Variants in AURKAIP1 observed in about 807,000 individuals in gnomAD.
The protein encoded by AURKAIP1 is small ribosomal subunit protein bS22, mitochondrial.
In AURKAIP1, 20 loss-of-function variants were observed where a neutral mutation model predicts 18.4. The observed-to-expected ratio is 1.09, with a 90% confidence interval of 0.77 to 1.58. The LOEUF is 1.58. Among genes scored for constraint, AURKAIP1 ranks in the 40% most tolerant of loss-of-function variants. AURKAIP1 has a pLI of 0.00. For missense variants in AURKAIP1, 319 were observed against 270.7 expected (o/e 1.18, Z -1.25); for synonymous variants, 156 against 120.8 (o/e 1.29, Z -1.91).
intron 1 of AURKAIP1, 180 bp from the exon 2 acceptor site, chr1:1,374,970 C>G (rs1368067376): frequency 1.9e-5 from 10 of 514,918 alleles, no homozygotes; most frequent in African/African-American, 4.2e-5. Flanking sequence ...AAGCCCCCGA[C>G]GCGGGCGGTG....
chr1:1,374,667 G>C, intron 2 of AURKAIP1, 38 bp downstream of exon 2: 1 of 1,548,608 alleles, frequency 6.5e-7, no homozygotes, highest in Non-Finnish European at 8.7e-7. Context: ...TCCTAACCAG[G>C]TGTGCATCCT....
chr1:1,374,842 G>T, intron 1 of AURKAIP1, 52 bp from the exon 2 acceptor site: 3 of 1,335,146 alleles, frequency 2.2e-6, no homozygotes, highest in Non-Finnish European at 2.0e-6. Context: ...CAGTAGTCGC[G>T]GGCGGGCCGG....
chr1:1,374,331 G>T lies in AURKAIP1; in HGVS notation c.167C>A (p.Ala56Asp). 6.4e-7 allele frequency: 1 copy of T among 1,568,042 alleles called. No individual in the cohort carries two copies. Among genetic ancestry groups the T allele is most frequent in the South Asian group, 1.1e-5 (1 of 87,596 alleles). Residue 56 changes from alanine to aspartate, a missense_variant, in exon 3 of 4, where the codon GCC becomes GAC. Transcript: ENST00000338338. ...GRAASLPRKG[A>D]QLELEEMLVP... ...CAGCATCTCCTCCAGCTCCAGCTGG[G>T]CCCCCTTGCGAGGGAGAGAGGCCGC...
In AURKAIP1 at chr1:1,374,746, C is replaced by G; in HGVS notation, c.11G>C (p.Gly4Ala). 1 of 1,560,122 alleles carries G rather than the reference C, an allele frequency of 6.4e-7. No individual in the cohort carries two copies. The highest frequency in any genetic ancestry group is 8.7e-7 in the Non-Finnish European group (1 of 1,152,540). MLL[G>A]RLTSQLLRAV... is the part of the protein sequence containing the mutation. ...CCTCAACAGCTGGGAAGTCAGGCGC[C>G]CCAGGAGCATGGTCTGTGGGCGGCG... Residue 4 changes from glycine (G) to alanine (A), a missense_variant, in exon 2 of 4, where the codon GGG (glycine) becomes GCG (alanine). Transcript: ENST00000338338.
chr1:1,374,567 G>C, intron 2 of AURKAIP1, 122 bp from the exon 3 acceptor site: 1 of 1,372,028 alleles, frequency 7.3e-7, no homozygotes, highest in Non-Finnish European at 1.0e-6. Flanking sequence ...GAACCCCTGA[G>C]GTTCCCTCTG....
Position 1,374,016 on chromosome 1 carries a change from C to A in AURKAIP1, c.482G>T (p.Arg161Leu), listed in dbSNP as rs1366506763. ...GCCACTCACCTGCTTGCGTCTCAGG[C>A]GTCCCTCCTGGACCTTCCTCCGCAG... is the stretch of plus-strand genomic sequence containing the variant. ...RFLRRKVQEG[R>L]LRRKQIKFEK... Residue 161 changes from arginine (R) to leucine (L), a missense_variant, in exon 3 of 4, where the codon CGC becomes CTC. Physicochemically the swap from Arg to Leu is moderately radical, Grantham distance 102 (BLOSUM62 -2). Transcript: ENST00000338338. 1.9e-6 allele frequency: 3 copies of A among 1,608,362 alleles called. No individual in the cohort carries two copies. Among genetic ancestry groups the A allele is most frequent in the Non-Finnish European group, 1.7e-6 (2 of 1,178,766 alleles).
At position 1,374,738 on chromosome 1, in the gene AURKAIP1, T is replaced by C. The variant is rs1644331562; in HGVS notation, c.19A>G (p.Thr7Ala). Residue 7 changes from threonine to alanine, a missense_variant, in exon 2 of 4, where the codon ACT becomes GCT. By Grantham distance (58) the Thr-to-Ala change is moderately conservative. Transcript: ENST00000338338. Reference sequence around the variant, plus strand: ...GGAACGGCCCTCAACAGCTGGGAAGTCAGGCGCCCCAGGAGCATGGTCTGT... The same window carrying C: ...GGAACGGCCCTCAACAGCTGGGAAGCCAGGCGCCCCAGGAGCATGGTCTGT... Reference protein sequence around the residue: MLLGRLTSQLLRAVPWA... With the variant: MLLGRLASQLLRAVPWA... The C allele has an allele frequency of 2.6e-6, 4 of 1,560,670 alleles. No homozygotes were observed. The highest frequency in any genetic ancestry group is 3.5e-6 in the Non-Finnish European group (4 of 1,153,000).
rs1644331230 is a variant in AURKAIP1, at chr1:1,374,714, G to A, written c.43C>T (p.Pro15Ser). 1.3e-6 allele frequency: 2 copies of A among 1,560,908 alleles called. No homozygotes were observed. The highest frequency in any genetic ancestry group is 1.2e-5 in the South Asian group (1 of 84,754). ...RLTSQLLRAV[P>S]WAGGRPPWPV... ...CCGCGCGGCTTCCTACCTGCCCAAG[G>A]AACGGCCCTCAACAGCTGGGAAGTC... Residue 15 changes from proline to serine, a missense_variant, in exon 2 of 4, where the codon CCT (proline) becomes TCT (serine). Physicochemically the swap from Pro to Ser is moderately conservative, Grantham distance 74. Coordinates refer to ENST00000338338, the MANE Select transcript of AURKAIP1 (RefSeq NM_017900.3).
At position 1,373,967 on chromosome 1, in the gene AURKAIP1, T is replaced by C. The variant is rs1182619287; in HGVS notation, c.498+33A>G. On this transcript the variant is annotated intron_variant, in intron 3 of 3. Transcript: ENST00000338338. The stretch of plus-strand genomic sequence containing the variant: ...GCAAAGAAACGTGTTCTCAGCACTT[T>C]GCCCTCCCAGGGCCAAGCAGGGGGC... 10 of 1,608,758 alleles carry C rather than the reference T, an allele frequency of 6.2e-6. No individual in the cohort carries two copies. In the East Asian group the frequency reaches 2.0e-4, roughly 32 times the overall value.
chr1:1,374,439 C>A lies in AURKAIP1; in HGVS notation c.59G>T (p.Arg20Leu), dbSNP rs763392452. The change falls in exon 3 of 4, where the codon CGC (arginine) becomes CTC (leucine). Residue 20 changes from arginine to leucine, a missense_variant. By Grantham distance (102) the Arg-to-Leu change is moderately radical (BLOSUM62 -2). Coordinates refer to ENST00000338338, the MANE Select transcript of AURKAIP1 (RefSeq NM_017900.3). ...CACTCCAGAGACGGGCCAAGGCGGG[C>A]GGCCGCCTGCAGAAAACCAGACGCC... ...LLRAVPWAGG[R>L]PPWPVSGVLG... The A allele has an allele frequency of 2.1e-6, 3 of 1,445,012 alleles. No homozygotes were observed. The highest frequency in any genetic ancestry group is 2.7e-6 in the Non-Finnish European group (3 of 1,104,162). The allele number at this position is 1,445,012 out of a possible 1,614,324, so 89.5% of individuals were successfully genotyped here.
chr1:1,374,332 C>A lies in AURKAIP1; in HGVS notation c.166G>T (p.Ala56Ser), dbSNP rs776156349. 5 of 1,567,664 alleles carry A rather than the reference C, an allele frequency of 3.2e-6. No homozygotes were observed. Among genetic ancestry groups the A allele is most frequent in the East Asian group, 2.3e-5 (1 of 44,328 alleles). Reference sequence around the variant, plus strand: ...AGCATCTCCTCCAGCTCCAGCTGGGCCCCCTTGCGAGGGAGAGAGGCCGCC... The same window carrying A: ...AGCATCTCCTCCAGCTCCAGCTGGGACCCCTTGCGAGGGAGAGAGGCCGCC... ...GRAASLPRKG[A>S]QLELEEMLVP... The change falls in exon 3 of 4, where the codon GCC becomes TCC. Residue 56 changes from alanine to serine, a missense_variant. Coordinates refer to ENST00000338338, the MANE Select transcript of AURKAIP1 (RefSeq NM_017900.3).
At position 1,374,792 on chromosome 1, in the gene AURKAIP1, T is replaced by A; in HGVS notation, c.-34-2A>T. Reference sequence around the variant, plus strand: ...CGGCGGCCACAGGTCCCAGGGGAGCTGGAACACAAGTGCCCGTTCAGGTCA... The same window carrying A: ...CGGCGGCCACAGGTCCCAGGGGAGCAGGAACACAAGTGCCCGTTCAGGTCA... On this transcript the variant is annotated splice_acceptor_variant, in intron 1 of 3. Coordinates refer to ENST00000338338, the MANE Select transcript of AURKAIP1 (RefSeq NM_017900.3). LOFTEE classifies it low-confidence loss of function (5UTR_SPLICE). The A allele has an allele frequency of 6.5e-7, 1 of 1,546,696 alleles. No homozygotes were observed. Among genetic ancestry groups the A allele is most frequent in the Non-Finnish European group, 8.7e-7 (1 of 1,144,860 alleles).
At position 1,373,995 on chromosome 1, in the gene AURKAIP1, C is replaced by T. The variant is rs750312921; in HGVS notation, c.498+5G>A. On this transcript the variant is annotated splice_donor_5th_base_variant and intron_variant, in intron 3 of 3. Coordinates refer to ENST00000338338, the MANE Select transcript of AURKAIP1 (RefSeq NM_017900.3). ...CCTCCCAGGGCCAAGCAGGGGGCCA[C>T]TCACCTGCTTGCGTCTCAGGCGTCC... 5 of 1,608,708 alleles carry T rather than the reference C, an allele frequency of 3.1e-6. No homozygotes were observed. The highest frequency in any genetic ancestry group is 2.2e-5 in the East Asian group (1 of 44,878).
At position 1,374,753 on chromosome 1, in the gene AURKAIP1, G is replaced by A. The variant is rs753910088; in HGVS notation, c.4C>T (p.Leu2Phe). M[L>F]LGRLTSQLLR... ...AGCTGGGAAGTCAGGCGCCCCAGGA[G>A]CATGGTCTGTGGGCGGCGGCCACAG... The change falls in exon 2 of 4, where the codon CTC (leucine) becomes TTC (phenylalanine). Residue 2 changes from leucine (L) to phenylalanine (F), a missense_variant. Coordinates refer to ENST00000338338, the MANE Select transcript of AURKAIP1 (RefSeq NM_017900.3). 6.7e-5 allele frequency: 104 copies of A among 1,558,636 alleles called. No homozygotes were observed. Among genetic ancestry groups the A allele is most frequent in the Non-Finnish European group, 8.5e-5 (98 of 1,151,826 alleles).
intron 2 of AURKAIP1, 78 bp downstream of exon 2, chr1:1,374,627 C>G: frequency 6.7e-7 from 1 of 1,484,100 alleles, no homozygotes; most frequent in Non-Finnish European, 9.2e-7. Flanking sequence ...GCCACCGGCC[C>G]TGCCCCAGCG....
Position 1,373,884 on chromosome 1 carries a change from G to A in AURKAIP1, c.517C>T (p.Leu173=). ...CCCGCCTTCAGCCAGATGCGCCTCA[G>A]GTCTTTCTCGAACTTGATCTGCAAG... ...RRKQIKFEKD[L]RRIWLKAGLK... The change falls in exon 4 of 4, where the codon CTG becomes TTG. Residue 173 remains leucine, a synonymous_variant. Coordinates refer to ENST00000338338, the MANE Select transcript of AURKAIP1 (RefSeq NM_017900.3). The A allele has an allele frequency of 1.2e-6, 2 of 1,608,678 alleles. No individual in the cohort carries two copies. The highest frequency in any genetic ancestry group is 1.1e-5 in the South Asian group (1 of 91,076).
chr1:1,374,474 G>A (rs762082992), intron 2 of AURKAIP1, 29 bp from the exon 3 acceptor site: 36 of 1,436,202 alleles, frequency 2.5e-5, no homozygotes, highest in African/African-American at 4.3e-5. Flanking sequence ...CACGGTCACC[G>A]CTCGCGAGAC....
In AURKAIP1 at chr1:1,374,698, T is replaced by C; in HGVS notation, c.52+7A>G. On this transcript the variant is annotated splice_region_variant and intron_variant, in intron 2 of 3. Transcript: ENST00000338338. ...ATCCTCCCATCCGCCCCCGCGCGGC[T>C]TCCTACCTGCCCAAGGAACGGCCCT... The C allele has an allele frequency of 1.3e-6, 2 of 1,557,488 alleles. No homozygotes were observed. The highest frequency in any genetic ancestry group is 1.7e-6 in the Non-Finnish European group (2 of 1,150,666).
chr1:1,373,873 G>C lies in AURKAIP1; in HGVS notation c.528C>G (p.Ile176Met), dbSNP rs138160308. The C allele has an allele frequency of 1.2e-6, 2 of 1,608,230 alleles. No homozygotes were observed. Among genetic ancestry groups the C allele is most frequent in the Non-Finnish European group, 1.7e-6 (2 of 1,180,002 alleles). The change falls in exon 4 of 4, where the codon ATC becomes ATG. Residue 176 changes from isoleucine to methionine, a missense_variant. By Grantham distance (10) the Ile-to-Met change is conservative. Transcript: ENST00000338338. The stretch of plus-strand genomic sequence containing the variant: ...CTTCCTTTAGCCCCGCCTTCAGCCA[G>C]ATGCGCCTCAGGTCTTTCTCGAACT... ...QIKFEKDLRR[I>M]WLKAGLKEAP... is the part of the protein sequence containing the mutation.
Sources: allele counts gnomAD v4.1 joint callset, GRCh38; gene constraint gnomAD v4.1.1; transcripts MANE v1.5; gene names NCBI Gene and HGNC (gene_info 2026-07-23, HGNC 2026-07-21).